PLCE1: variants seen among roughly 807,000 people sequenced by gnomAD.
The protein encoded by PLCE1 is phospholipase C epsilon 1, also known as 1-phosphatidylinositol 4,5-bisphosphate phosphodiesterase epsilon-1.
Under a neutral mutation model 242.8 loss-of-function variants are expected in PLCE1, and 119 were observed. The observed-to-expected ratio is 0.49, with a 90% CI of 0.42 to 0.57. The LOEUF (loss-of-function observed/expected upper bound fraction) is 0.57. Among genes scored for constraint, PLCE1 ranks in the 20% least tolerant of loss-of-function variants. PLCE1 has a pLI of 0.00. For missense variants in PLCE1, 2,441 were observed against 2,788.8 expected, an observed-to-expected ratio of 0.88 and a Z score of 2.81; for synonymous variants, 945 against 1,017.4, an observed-to-expected ratio of 0.93 and a Z score of 1.35.
In PLCE1 at chr10:94,254,471, G is replaced by A. The variant is rs529512612; in HGVS notation, c.3397+164G>A. On this transcript the variant is annotated intron_variant, in intron 10 of 32. Transcript: ENST00000371380. ...CTAAAGGTACTTCTGCAAGCATAGT[G>A]TGCTTGGAATAAAATCCCCATTAAT... 1.2e-4 allele frequency among the ~76,000 whole-genome samples: 19 copies of A among 152,298 alleles called. No individual in the cohort carries two copies. In the East Asian group the frequency reaches 3.5e-3, roughly 28 times the overall value.
intron 2 of PLCE1, chr10:94,107,821 T>C (rs1296719303): frequency 6.6e-6 from 1 of 152,156 alleles, no homozygotes; most frequent in East Asian, 1.9e-4. Flanking sequence ...TAAACCAGAA[T>C]CTCTCTACTT....
intron 4 of PLCE1, among the ~76,000 whole-genome samples, chr10:94,200,593 C>T (rs541737517): frequency 6.6e-6 from 1 of 152,286 alleles, no homozygotes; most frequent in South Asian, 2.1e-4. Flanking sequence ...GAATACTCCA[C>T]CCTCTAGAAG....
chr10:94,016,929 C>T (rs752543096), intron 1 of PLCE1, among the ~76,000 whole-genome samples: 33 of 151,990 alleles, frequency 2.2e-4, no homozygotes, highest in Admixed American at 5.2e-4. Context: ...GAAATGATGA[C>T]GTAATGATAT....
intron 3 of PLCE1, among the ~76,000 whole-genome samples, chr10:94,153,288 A>G (rs187607408): frequency 1.3e-5 from 2 of 152,322 alleles, no homozygotes; most frequent in East Asian, 3.9e-4. Context: ...TCAATGCAAT[A>G]TATCATATGA....
At chr10:94,123,745 A>G (rs921133741) in intron 2 of PLCE1, among the ~76,000 whole-genome samples, 1 of 152,240 alleles carries the variant, frequency 6.6e-6, no homozygotes. Context: ...TTCCAAAGTT[A>G]GAAAAGAGGC....
chr10:94,253,131 ATTTG>A (rs930855451), intron 9 of PLCE1, among the ~76,000 whole-genome samples: 23 of 152,216 alleles, frequency 1.5e-4, no homozygotes, highest in African/African-American at 4.6e-4. Context: ...CTTCATGGCT[ATTTG>A]TTTGTTTGTG....
At chr10:94,142,690 T>G (rs2047006931) in intron 3 of PLCE1, among the ~76,000 whole-genome samples, 1 of 152,216 alleles carries the variant, frequency 6.6e-6, no homozygotes, top group South Asian at 2.1e-4. Flanking sequence ...AGCATTCCAC[T>G]GTTCTTAATT....
intron 13 of PLCE1, among the ~76,000 whole-genome samples, chr10:94,260,710 G>A (rs528529744): frequency 8.3e-4 from 122 of 147,390 alleles, no homozygotes; most frequent in African/African-American, 2.6e-3. Context: ...GTAATTTTTT[G>A]TAGAGACAGG....
At position 94,331,379 on chromosome 10, in the gene PLCE1, C is replaced by T. The variant is rs1199270900; in HGVS notation, c.*3436C>T. ...TCCAATATCTCTATAGACTTCTGTCCTCTGCCCAGAGACCCACAGGCCTTG... is the reference window on the plus strand; with the variant it reads ...TCCAATATCTCTATAGACTTCTGTCTTCTGCCCAGAGACCCACAGGCCTTG... On this transcript the variant is annotated 3_prime_UTR_variant, in exon 33 of 33. Coordinates refer to ENST00000371380, the MANE Select transcript of PLCE1 (RefSeq NM_016341.4). 1 of 152,172 alleles carries T rather than the reference C, an allele frequency of 6.6e-6. No homozygotes were observed. The highest frequency in any genetic ancestry group is 1.5e-5 in the Non-Finnish European group (1 of 68,062). 9.4% of individuals were successfully genotyped at this position (152,172 alleles called of 1,614,324 possible). A position where few individuals can be genotyped will look rare whatever the true frequency, so the allele number is the denominator to read the frequency against.
intron 2 of PLCE1, among the ~76,000 whole-genome samples, chr10:94,084,310 C>T (rs2044738664): frequency 6.6e-6 from 1 of 152,140 alleles, no homozygotes; most frequent in South Asian, 2.1e-4. Flanking sequence ...TTGCCGTTTC[C>T]CCTAAGGAAG....
At chr10:94,076,860 C>T (rs1042716029) in intron 2 of PLCE1, among the ~76,000 whole-genome samples, 2 of 149,904 alleles carry the variant, frequency 1.3e-5, no homozygotes, top group African/African-American at 2.5e-5. Flanking sequence ...CCGTCCCACC[C>T]GTTTAAACCT....
At chr10:94,263,178 T>C (rs1711557048) in intron 14 of PLCE1, among the ~76,000 whole-genome samples, 1 of 152,072 alleles carries the variant, frequency 6.6e-6, no homozygotes, top group South Asian at 2.1e-4. Flanking sequence ...CCTTGTTTTG[T>C]TTTGTTTTTT....
rs1271860998 is a variant in PLCE1, at chr10:94,069,993, TC to T, written c.1206+37742del. On this transcript the variant is annotated intron_variant, in intron 2 of 32. Coordinates refer to ENST00000371380, the MANE Select transcript of PLCE1 (RefSeq NM_016341.4). ...TAAAATGAATAGGGAAAGAGGAATT[TC>T]TCCTTTCTTATATAAGCCTCCTTCC... Among the ~76,000 whole-genome samples the T allele has an allele frequency of 1.3e-5, 2 of 151,842 alleles. 1 individual carries two copies. Among genetic ancestry groups the T allele is most frequent in the East Asian group, 3.9e-4 (2 of 5,140 alleles).
intron 2 of PLCE1, among the ~76,000 whole-genome samples, chr10:94,046,040 A>G (rs1036258398): frequency 6.6e-6 from 1 of 151,516 alleles, no homozygotes; most frequent in Admixed American, 6.6e-5. Flanking sequence ...CTGATCCATT[A>G]TGGTTTTCTT....
intron 2 of PLCE1, among the ~76,000 whole-genome samples, chr10:94,075,429 A>G (rs983937103): frequency 6.6e-6 from 1 of 152,272 alleles, no homozygotes; most frequent in African/African-American, 2.4e-5. Context: ...ACTTGAGAAC[A>G]CATAATTGGT....
At chr10:94,227,096 C>CA (rs2049972112) in intron 4 of PLCE1, 1 of 516,044 alleles carries the variant, frequency 1.9e-6, no homozygotes. Flanking sequence ...AGGCTGGTCT[C>CA]AAACTCCTGA....
At chr10:94,166,260 A>G (rs2047798408) in intron 3 of PLCE1, among the ~76,000 whole-genome samples, 1 of 152,096 alleles carries the variant, frequency 6.6e-6, no homozygotes, top group African/African-American at 2.4e-5. Flanking sequence ...CTTGGTCTAT[A>G]TTTTTGCAAG....
In PLCE1 at chr10:94,063,985, C is replaced by T. The variant is rs74150328; in HGVS notation, c.1206+31733C>T. On this transcript the variant is annotated intron_variant, in intron 2 of 32. Transcript: ENST00000371380. Reference sequence around the variant, plus strand: ...GAAGGGGCTGAAAAAAGACCAGACACGCAGGAGCAGGAGTAGGGGGAGTGG... The same window carrying T: ...GAAGGGGCTGAAAAAAGACCAGACATGCAGGAGCAGGAGTAGGGGGAGTGG... Among the ~76,000 whole-genome samples the T allele has an allele frequency of 7.3e-4, 111 of 152,126 alleles. 1 individual carries two copies. Among genetic ancestry groups the T allele is most frequent in the African/African-American group, 2.5e-3 (105 of 41,514 alleles).
chr10:93,998,288 T>C (rs1443690294), intron 1 of PLCE1, among the ~76,000 whole-genome samples: 1 of 152,152 alleles, frequency 6.6e-6, no homozygotes, highest in East Asian at 1.9e-4. Flanking sequence ...TAGGAGGAGA[T>C]GTTCTGGACA....
Sources: allele counts gnomAD v4.1 joint callset (sites outside exome capture counted in the v4.1 genomes callset), GRCh38; gene constraint gnomAD v4.1.1; transcripts MANE v1.5; gene names NCBI Gene and HGNC (gene_info 2026-07-23, HGNC 2026-07-21).